The following CADM1 variants were observed in gnomAD, a reference collection of about 807,000 sequenced individuals.
CADM1 encodes the protein TSLC-1.
In CADM1, 15 loss-of-function variants were observed where a neutral mutation model predicts 53.1. That is an observed-to-expected ratio of 0.28 (90% CI 0.19 to 0.44). The LOEUF (loss-of-function observed/expected upper bound fraction) is 0.44. Ranked by LOEUF, CADM1 falls within the 20% of genes least tolerant of loss-of-function variation. The pLI is 1.00. For missense variants in CADM1, 434 were observed against 611.3 expected, an observed-to-expected ratio of 0.71 and a Z score of 3.06; for synonymous variants, 281 against 243.0, an observed-to-expected ratio of 1.16 and a Z score of -1.45.
chr11:115,464,646 C>CT (rs1565440821), intron 1 of CADM1, among the ~76,000 whole-genome samples: 1 of 152,124 alleles, frequency 6.6e-6, no homozygotes, highest in African/African-American at 2.4e-5. Context: ...TCAAGTGGAA[C>CT]TTTTTTGTTT....
At chr11:115,226,090 C>T (rs747481474) in intron 5 of CADM1, among the ~76,000 whole-genome samples, 31 of 151,590 alleles carry the variant, frequency 2.0e-4, no homozygotes, top group Non-Finnish European at 4.0e-4. Flanking sequence ...TGTTTCTCAC[C>T]GAGAACATAA....
chr11:115,340,658 A>ATATATTTTTTTT (rs60532835), intron 1 of CADM1, among the ~76,000 whole-genome samples: 1 of 34,938 alleles, frequency 2.9e-5, no homozygotes, highest in Non-Finnish European at 4.5e-5. Flanking sequence ...ATATATATAT[A>ATATATTTTTTTT]TTTTTTTTTT....
chr11:115,258,020 C>T (rs983710542), intron 1 of CADM1, among the ~76,000 whole-genome samples: 3 of 152,148 alleles, frequency 2.0e-5, no homozygotes, highest in Non-Finnish European at 4.4e-5. Context: ...TACCAACCAT[C>T]AAAGTATTTG....
chr11:115,258,778 T>C (rs1942874055), intron 1 of CADM1, among the ~76,000 whole-genome samples: 1 of 152,200 alleles, frequency 6.6e-6, no homozygotes, highest in South Asian at 2.1e-4. Flanking sequence ...TAAGGAGATG[T>C]AGCAGTTCAC....
chr11:115,272,173 C>A (rs1039262142), intron 1 of CADM1, among the ~76,000 whole-genome samples: 1 of 151,892 alleles, frequency 6.6e-6, no homozygotes, highest in Non-Finnish European at 1.5e-5. Flanking sequence ...AAATCCCGAC[C>A]TCAGACACAA....
At chr11:115,497,887 T>A (rs1949654586) in intron 1 of CADM1, among the ~76,000 whole-genome samples, 1 of 151,880 alleles carries the variant, frequency 6.6e-6, no homozygotes, top group Non-Finnish European at 1.5e-5. Context: ...TCATGCATAA[T>A]TCCCTGTTTG....
At chr11:115,231,070 C>G (rs1300707613) in intron 4 of CADM1, among the ~76,000 whole-genome samples, 1 of 152,160 alleles carries the variant, frequency 6.6e-6, no homozygotes, top group Admixed American at 6.5e-5. Context: ...GAAAATTTTT[C>G]CTAGCCTAAA....
chr11:115,253,575 AAAAATATACCCTTGAATGTAGGAAGC>A (rs1331158246), intron 1 of CADM1, among the ~76,000 whole-genome samples: 1 of 152,196 alleles, frequency 6.6e-6, no homozygotes, highest in Non-Finnish European at 1.5e-5. Flanking sequence ...ATTCTTAGGT[AAAAATATACCCTTGAATGTAGGAAGC>A]AAATCAATAT....
chr11:115,209,109 G>C (rs1214320413), intron 8 of CADM1, among the ~76,000 whole-genome samples: 1 of 152,190 alleles, frequency 6.6e-6, no homozygotes, highest in Non-Finnish European at 1.5e-5. Flanking sequence ...GTACTCTCTG[G>C]AGCAGGAAGG....
intron 1 of CADM1, among the ~76,000 whole-genome samples, chr11:115,366,002 T>C (rs1297361823): frequency 6.6e-6 from 1 of 152,318 alleles, no homozygotes. Flanking sequence ...ATGAGGGCCA[T>C]TGCCATAAAC....
At position 115,267,678 on chromosome 11, in the gene CADM1, CTTTTTTTTTT is replaced by C. The variant is rs56712105; in HGVS notation, c.125-27268_125-27259del. ...ACACAAACTAACCTAAAATTGCTTT[CTTTTTTTTTT>C]TTTTTTTTTTCTAAAATTGCTTTCT... On this transcript the variant is annotated intron_variant, in intron 1 of 11. Transcript: ENST00000331581. Among the ~76,000 whole-genome samples, 8 of 131,302 alleles carry C rather than the reference CTTTTTTTTTT, an allele frequency of 6.1e-5. No homozygotes were observed. In the South Asian group the frequency reaches 2.0e-3, roughly 33 times the overall value. 86.1% of individuals were successfully genotyped at this position (131,302 alleles called of 152,430 possible).
At chr11:115,222,976 T>TTGTTC (rs1215530499) in intron 5 of CADM1, among the ~76,000 whole-genome samples, 5 of 152,138 alleles carry the variant, frequency 3.3e-5, no homozygotes, top group African/African-American at 1.2e-4. Context: ...TTGTTTTGTT[T>TTGTTC]TGTTCTGTTT....
At chr11:115,277,932 A>G (rs946478756) in intron 1 of CADM1, among the ~76,000 whole-genome samples, 2 of 152,132 alleles carry the variant, frequency 1.3e-5, no homozygotes, top group Admixed American at 1.3e-4. Context: ...TACTTAATAC[A>G]AGATTCATCC....
At position 115,227,392 on chromosome 11, in the gene CADM1, G is replaced by T. The variant is rs561357910; in HGVS notation, c.721+1721C>A. ...AGTGAGGGTAATTTGGTAGGTGGGT[G>T]GGACTATATTCTATTTAAAAGATAT... is the stretch of plus-strand genomic sequence containing the variant. On this transcript the variant is annotated intron_variant, in intron 5 of 11. Coordinates refer to ENST00000331581, the MANE Select transcript of CADM1 (RefSeq NM_001301043.2). 6.8e-4 allele frequency among the ~76,000 whole-genome samples: 103 copies of T among 152,210 alleles called. 1 individual carries two copies. Among genetic ancestry groups the T allele is most frequent in the African/African-American group, 2.3e-3 (95 of 41,516 alleles).
At chr11:115,460,127 C>A (rs900577468) in intron 1 of CADM1, among the ~76,000 whole-genome samples, 1 of 152,020 alleles carries the variant, frequency 6.6e-6, no homozygotes, top group Non-Finnish European at 1.5e-5. Flanking sequence ...ACCTTCCAAA[C>A]CCCCTCTCCT....
chr11:115,241,892 T>G (rs1349559032), intron 1 of CADM1, among the ~76,000 whole-genome samples: 1 of 151,538 alleles, frequency 6.6e-6, no homozygotes, highest in Non-Finnish European at 1.5e-5. Flanking sequence ...AAAGAAAATT[T>G]GAGACAGTAT....
intron 1 of CADM1, among the ~76,000 whole-genome samples, chr11:115,494,295 C>T (rs1189458335): frequency 6.6e-6 from 1 of 152,042 alleles, no homozygotes; most frequent in Non-Finnish European, 1.5e-5. Flanking sequence ...TTCTGAAAGA[C>T]AAAGATGAAC....
intron 1 of CADM1, among the ~76,000 whole-genome samples, chr11:115,286,035 C>A (rs1449503345): frequency 6.6e-6 from 1 of 152,116 alleles, no homozygotes; most frequent in Non-Finnish European, 1.5e-5. Context: ...GCCACAGACA[C>A]CTGTCAATCG....
rs756584318 is a variant in CADM1 at position 115,231,386 on chromosome 11, T to G, written c.529A>C (p.Ile177Leu). ...TCTGTGTTCCCTTTGAACCACCTGATAGTCGTGGCTGGCTTGCTGGCCATA... is the reference window on the plus strand; with the variant it reads ...TCTGTGTTCCCTTTGAACCACCTGAGAGTCGTGGCTGGCTTGCTGGCCATA... ...TAMASKPATT[I>L]RWFKGNTELK... The change falls in exon 4 of 12, where the codon ATC (isoleucine) becomes CTC (leucine). Residue 177 changes from isoleucine to leucine, a missense_variant. Physicochemically the swap from Ile to Leu is conservative, Grantham distance 5 (BLOSUM62 2). Coordinates refer to ENST00000331581, the MANE Select transcript of CADM1 (RefSeq NM_001301043.2). The G allele has an allele frequency of 1.9e-6, 3 of 1,614,202 alleles. No homozygotes were observed. The South Asian group carries it at 3.3e-5, about 18-fold the overall frequency.
Sources: allele counts gnomAD v4.1 joint callset (sites outside exome capture counted in the v4.1 genomes callset), GRCh38; gene constraint gnomAD v4.1.1; transcripts MANE v1.5; gene names NCBI Gene and HGNC (gene_info 2026-07-23, HGNC 2026-07-21).